The following PEAK1 variants were observed in gnomAD, a reference collection of about 807,000 sequenced individuals.
PEAK1 encodes pseudopodium enriched atypical kinase 1, also known as inactive tyrosine-protein kinase PEAK1.
In PEAK1, 54 loss-of-function variants were observed where a neutral mutation model predicts 124.7. The observed-to-expected ratio is 0.43, with a 90% CI of 0.35 to 0.54. The LOEUF is 0.54. PEAK1 is among the 20% of genes least tolerant of loss of function. The pLI, the probability that PEAK1 is intolerant of heterozygous loss-of-function variation, is 0.01. For synonymous variants in PEAK1, 719 were observed against 760.0 expected (o/e 0.95, Z 0.89); for missense variants, 2,046 against 2,134.5 (o/e 0.96, Z 0.82).
At chr15:77,313,648 ATGTATGTG>A (rs1197495820) in intron 2 of PEAK1, among the ~76,000 whole-genome samples, 64 of 87,596 alleles carry the variant, frequency 7.3e-4, no homozygotes, top group African/African-American at 2.3e-3. Flanking sequence ...GTATGTATGT[ATGTATGTG>A]TGTGTGTGTG....
rs535084639 is a variant in PEAK1, at chr15:77,350,383, T to C, written c.-603+14780A>G. The C allele has an allele frequency of 5.1e-6, 5 of 985,386 alleles. No individual in the cohort carries two copies. The South Asian group carries it at 1.9e-4, about 37-fold the overall frequency. 61.0% of individuals were successfully genotyped at this position (985,386 alleles called of 1,614,324 possible). A position where few individuals can be genotyped will look rare whatever the true frequency, so the allele number is the denominator to read the frequency against. On this transcript the variant is annotated intron_variant, in intron 2 of 9. Transcript: ENST00000682557. Reference sequence around the variant, plus strand: ...ACTTAGCTCAGTTCACAAGACTTCATTTGTGCTCAGCAAGGACTATCACTG... The same window carrying C: ...ACTTAGCTCAGTTCACAAGACTTCACTTGTGCTCAGCAAGGACTATCACTG...
chr15:77,151,586 A>G (rs958841808), intron 8 of PEAK1, among the ~76,000 whole-genome samples: 1 of 152,170 alleles, frequency 6.6e-6, no homozygotes, highest in African/African-American at 2.4e-5. Flanking sequence ...GTCCTTACCC[A>G]TGCCTATGTC....
chr15:77,204,902 C>CA (rs201840241), intron 6 of PEAK1: 122 of 179,290 alleles, frequency 6.8e-4, no homozygotes, highest in South Asian at 2.1e-3. Context: ...AGACTCTGTC[C>CA]AAAAAAAAAG....
intron 6 of PEAK1, among the ~76,000 whole-genome samples, chr15:77,184,646 C>T (rs1312143201): frequency 1.3e-5 from 2 of 152,228 alleles, no homozygotes; most frequent in Non-Finnish European, 2.9e-5. Context: ...CCTGTAATCC[C>T]AGCACTGTGG....
At chr15:77,232,221 C>T (rs1358587754) in intron 6 of PEAK1, among the ~76,000 whole-genome samples, 1 of 152,082 alleles carries the variant, frequency 6.6e-6, no homozygotes, top group Non-Finnish European at 1.5e-5. Flanking sequence ...CAAACACTCT[C>T]TTGACTCTCC....
chr15:77,158,333 GC>G (rs1276472736), intron 8 of PEAK1, 169 bp downstream of exon 8: 2 of 626,938 alleles, frequency 3.2e-6, no homozygotes, highest in African/African-American at 3.7e-5. Context: ...TTTAATACAT[GC>G]CTAGTAAACA....
intron 9 of PEAK1, among the ~76,000 whole-genome samples, chr15:77,116,218 A>T (rs1006422451): frequency 8.5e-5 from 13 of 152,198 alleles, no homozygotes; most frequent in Admixed American, 2.0e-4. Flanking sequence ...CTCATGCTAT[A>T]GAGAGGCTGA....
At chr15:77,142,854 C>T (rs1291607314) in intron 8 of PEAK1, among the ~76,000 whole-genome samples, 1 of 152,086 alleles carries the variant, frequency 6.6e-6, no homozygotes, top group Admixed American at 6.5e-5. Context: ...ACAGTGACTG[C>T]TAATGGGTTT....
intron 1 of PEAK1, among the ~76,000 whole-genome samples, chr15:77,367,823 C>A (rs2068357280): frequency 6.6e-6 from 1 of 152,150 alleles, no homozygotes; most frequent in South Asian, 2.1e-4. Flanking sequence ...ATTCAGTATT[C>A]ATTACATGCC....
intron 1 of PEAK1, among the ~76,000 whole-genome samples, chr15:77,413,015 AT>A: frequency 6.6e-6 from 1 of 152,350 alleles, no homozygotes; most frequent in Non-Finnish European, 1.5e-5. Context: ...GAGATAAATG[AT>A]TAGATAGAAG....
At chr15:77,403,869 C>T (rs1358453918) in intron 1 of PEAK1, 6 of 984,612 alleles carry the variant, frequency 6.1e-6, no homozygotes, top group African/African-American at 1.7e-5. Context: ...TATTACAATG[C>T]CACAAATTCA....
intron 1 of PEAK1, chr15:77,402,591 C>T (rs1476926876): frequency 1.5e-5 from 15 of 981,402 alleles, no homozygotes; most frequent in Admixed American, 6.2e-5. Flanking sequence ...GAAAGATATG[C>T]TCCAGTTTTG....
intron 6 of PEAK1, among the ~76,000 whole-genome samples, chr15:77,192,841 TG>T (rs2057907476): frequency 1.3e-5 from 2 of 150,068 alleles, no homozygotes; most frequent in Non-Finnish European, 3.0e-5. Flanking sequence ...TTTTTTTAAA[TG>T]AAAAAAAAAT....
intron 2 of PEAK1, among the ~76,000 whole-genome samples, chr15:77,343,767 T>C (rs1422415627): frequency 2.0e-5 from 3 of 152,152 alleles, no homozygotes; most frequent in South Asian, 4.1e-4. Flanking sequence ...ATTACAGGTG[T>C]GAGAAACCGC....
chr15:77,172,165 C>T (rs1333159784), intron 7 of PEAK1, among the ~76,000 whole-genome samples: 1 of 152,170 alleles, frequency 6.6e-6, no homozygotes, highest in Admixed American at 6.5e-5. Flanking sequence ...TACTCAGTTA[C>T]ATTCAAAGCC....
chr15:77,413,205 T>A (rs573182784), intron 1 of PEAK1, among the ~76,000 whole-genome samples: 1 of 152,324 alleles, frequency 6.6e-6, no homozygotes, highest in East Asian at 1.9e-4. Context: ...TCTCTCAAAA[T>A]ATTTACCAAT....
At chr15:77,126,203 TA>T (rs1340201710) in intron 9 of PEAK1, among the ~76,000 whole-genome samples, 5 of 152,240 alleles carry the variant, frequency 3.3e-5, no homozygotes, top group Middle Eastern at 3.2e-3. Flanking sequence ...ATGATCATGT[TA>T]TTAGTATTCT....
intron 2 of PEAK1, chr15:77,346,768 T>C: frequency 1.0e-6 from 1 of 976,016 alleles, no homozygotes; most frequent in South Asian, 4.7e-5. Flanking sequence ...ATTCATTCAT[T>C]GGTCACTCAG....
At chr15:77,155,859 G>GA (rs1295259504) in intron 8 of PEAK1, 5 of 153,398 alleles carry the variant, frequency 3.3e-5, no homozygotes, top group Non-Finnish European at 5.8e-5. Flanking sequence ...CGTTCCTCTG[G>GA]AAGTTTTGTC....
Sources: gnomAD v4.1 joint callset for allele counts (sites outside exome capture counted in the v4.1 genomes callset) on GRCh38, gnomAD v4.1.1 for gene constraint, MANE v1.5 for transcripts, NCBI Gene and HGNC (gene_info 2026-07-23, HGNC 2026-07-21) for gene names.